Variants in RHBDD1 observed in about 807,000 individuals in gnomAD.
The protein encoded by RHBDD1 is rhomboid domain containing 1, also known as rhomboid-related protein 4.
A neutral mutation model predicts 36.3 loss-of-function variants in RHBDD1; 38 were observed. The observed-to-expected ratio is 1.05, with a 90% confidence interval of 0.81 to 1.37. The LOEUF (loss-of-function observed/expected upper bound fraction) is 1.37. RHBDD1 is among the 40% of genes most tolerant of loss of function. RHBDD1 has a pLI of 0.00. For missense variants in RHBDD1, 393 were observed against 377.6 expected, an observed-to-expected ratio of 1.04 and a Z score of -0.34; for synonymous variants, 151 against 136.5, an observed-to-expected ratio of 1.11 and a Z score of -0.74.
chr2:226,898,226 C>A (rs57105513), intron 5 of RHBDD1, among the ~76,000 whole-genome samples: 7,330 of 152,182 alleles, frequency 0.048, 557 homozygotes, highest in African/African-American at 0.16. Flanking sequence ...CCTACTTGAA[C>A]CAGCTCAGGG....
chr2:226,989,954 A>G (rs1476157820), intron 8 of RHBDD1, among the ~76,000 whole-genome samples: 1 of 152,212 alleles, frequency 6.6e-6, no homozygotes, highest in African/African-American at 2.4e-5. Flanking sequence ...CCACTGTTGC[A>G]GTCTTGATTG....
intron 8 of RHBDD1, among the ~76,000 whole-genome samples, chr2:226,936,927 T>A (rs1950368188): frequency 6.6e-6 from 1 of 152,118 alleles, no homozygotes; most frequent in Admixed American, 6.6e-5. Context: ...TATAGTAACT[T>A]TTGACTTCAA....
chr2:226,831,957 GTT>G (rs58851411), upstream of RHBDD1, among the ~76,000 whole-genome samples: 118 of 139,122 alleles, frequency 8.5e-4, no homozygotes, highest in African/African-American at 2.5e-3. Context: ...AATTTTACTG[GTT>G]TTTTTTTTTT....
At chr2:226,863,893 A>G (rs890966237) in intron 3 of RHBDD1, among the ~76,000 whole-genome samples, 1 of 152,082 alleles carries the variant, frequency 6.6e-6, no homozygotes, top group African/African-American at 2.4e-5. Context: ...TAGTCAGATC[A>G]CCACCTCAGG....
intron 5 of RHBDD1, among the ~76,000 whole-genome samples, chr2:226,885,412 C>T (rs1946122136): frequency 6.6e-6 from 1 of 151,904 alleles, no homozygotes; most frequent in African/African-American, 2.4e-5. Flanking sequence ...ATGGAGAACC[C>T]CCTAAACATC....
intron 5 of RHBDD1, among the ~76,000 whole-genome samples, chr2:226,888,891 C>A (rs561007678): frequency 5.3e-5 from 8 of 152,300 alleles, no homozygotes; most frequent in African/African-American, 1.9e-4. Flanking sequence ...AGGAATTAAA[C>A]AACTTCCATG....
chr2:226,849,534 C>G (rs1942578770), intron 3 of RHBDD1, among the ~76,000 whole-genome samples: 1 of 152,208 alleles, frequency 6.6e-6, no homozygotes, highest in East Asian at 1.9e-4. Flanking sequence ...CACCTACATC[C>G]CCTTGCCCTT....
intron 5 of RHBDD1, among the ~76,000 whole-genome samples, chr2:226,904,110 CAG>C (rs928459890): frequency 3.9e-5 from 6 of 152,168 alleles, no homozygotes; most frequent in Non-Finnish European, 5.9e-5. Flanking sequence ...AGAGAAGAAA[CAG>C]GGAAACAGAA....
intron 5 of RHBDD1, among the ~76,000 whole-genome samples, chr2:226,889,247 G>T (rs930590738): frequency 6.6e-5 from 10 of 152,188 alleles, no homozygotes; most frequent in Admixed American, 5.2e-4. Flanking sequence ...CACCCATTCG[G>T]CTAGAGGTGG....
intron 8 of RHBDD1, among the ~76,000 whole-genome samples, chr2:226,917,548 A>G (rs115596814): frequency 2.0e-4 from 30 of 152,098 alleles, no homozygotes; most frequent in Non-Finnish European, 3.8e-4. Flanking sequence ...GAAAAAATCT[A>G]GCTTCTACTT....
At chr2:226,993,786 A>G (rs145024152) in intron 8 of RHBDD1, among the ~76,000 whole-genome samples, 136 of 152,314 alleles carry the variant, frequency 8.9e-4, no homozygotes, top group African/African-American at 2.5e-3. Context: ...CTCTTTGACA[A>G]CGGAAACTTC....
intron 3 of RHBDD1, among the ~76,000 whole-genome samples, chr2:226,862,321 G>T (rs1373861042): frequency 6.6e-6 from 1 of 151,212 alleles, no homozygotes; most frequent in Non-Finnish European, 1.5e-5. Flanking sequence ...ATTTGCCCCA[G>T]GTCACAGAGC....
chr2:226,857,593 C>A (rs762880197), intron 3 of RHBDD1, among the ~76,000 whole-genome samples: 3 of 152,024 alleles, frequency 2.0e-5, no homozygotes, highest in Non-Finnish European at 4.4e-5. Flanking sequence ...TACTATTTGA[C>A]CATAAAAAGA....
intron 5 of RHBDD1, among the ~76,000 whole-genome samples, chr2:226,898,597 T>C (rs1199476146): frequency 6.6e-6 from 1 of 152,222 alleles, no homozygotes; most frequent in South Asian, 2.1e-4. Flanking sequence ...TCAATCATGC[T>C]GGTATCATGG....
At chr2:226,851,772 A>C (rs1942840926) in intron 3 of RHBDD1, among the ~76,000 whole-genome samples, 1 of 152,080 alleles carries the variant, frequency 6.6e-6, no homozygotes, top group African/African-American at 2.4e-5. Flanking sequence ...TTGTTGTTGA[A>C]AGTAGTTTAG....
chr2:226,875,053 G>C (rs979230758), intron 5 of RHBDD1, among the ~76,000 whole-genome samples: 1 of 152,098 alleles, frequency 6.6e-6, no homozygotes, highest in Non-Finnish European at 1.5e-5. Flanking sequence ...TTTATCTACC[G>C]TAAGCCCTTC....
intron 8 of RHBDD1, among the ~76,000 whole-genome samples, chr2:226,951,443 T>G (rs996511460): frequency 8.5e-5 from 13 of 152,176 alleles, no homozygotes; most frequent in African/African-American, 3.1e-4. Context: ...ATTAGAAAAT[T>G]TAGCAAATTA....
At chr2:226,814,076 T>G in the RHBDD1 span, among the ~76,000 whole-genome samples, 1 of 152,198 alleles carries the variant, frequency 6.6e-6, no homozygotes, top group East Asian at 1.9e-4. Flanking sequence ...TAAATATGAG[T>G]TCTATATAGG....
At chr2:226,906,406 G>C (rs1263109486) in intron 5 of RHBDD1, among the ~76,000 whole-genome samples, 2 of 152,096 alleles carry the variant, frequency 1.3e-5, no homozygotes, top group African/African-American at 4.8e-5. Flanking sequence ...CCTCACAATG[G>C]CTGGATAATT....
Sources: allele counts gnomAD v4.1 joint callset (sites outside exome capture counted in the v4.1 genomes callset), GRCh38; gene constraint gnomAD v4.1.1; transcripts MANE v1.5; gene names NCBI Gene and HGNC (gene_info 2026-07-23, HGNC 2026-07-21).